Variants in FNBP1 observed in about 807,000 individuals in gnomAD.
FNBP1 encodes the protein formin-binding protein 1.
FNBP1 carries 26 observed loss-of-function variants against 90.6 expected under a neutral mutation model. The ratio of observed to expected loss-of-function variants is 0.29; its 90% confidence interval spans 0.21 to 0.40. The LOEUF is 0.40. FNBP1 is among the 10% of genes least tolerant of loss of function. The pLI is 1.00. For missense variants in FNBP1, 635 were observed against 768.0 expected, an observed-to-expected ratio of 0.83 and a Z score of 2.05; for synonymous variants, 260 against 265.2, an observed-to-expected ratio of 0.98 and a Z score of 0.19.
intron 2 of FNBP1, among the ~76,000 whole-genome samples, chr9:129,989,923 A>G (rs1387277717): frequency 1.3e-5 from 2 of 152,032 alleles, no homozygotes; most frequent in Non-Finnish European, 2.9e-5. Flanking sequence ...CTGTGGTCCC[A>G]GCTACTTGGG....
chr9:129,992,489 C>T (rs1272096268), intron 2 of FNBP1, among the ~76,000 whole-genome samples: 3 of 150,578 alleles, frequency 2.0e-5, no homozygotes, highest in East Asian at 2.0e-4. Flanking sequence ...CACAGTGGCT[C>T]ACACCTGTAA....
At chr9:130,006,288 C>CA (rs1170432786) in intron 1 of FNBP1, among the ~76,000 whole-genome samples, 3 of 152,004 alleles carry the variant, frequency 2.0e-5, no homozygotes, top group South Asian at 2.1e-4. Context: ...ACTAAAAATA[C>CA]AAAAAAATCC....
chr9:129,899,203 G>C (rs148215074), intron 15 of FNBP1, among the ~76,000 whole-genome samples: 2 of 151,222 alleles, frequency 1.3e-5, no homozygotes, highest in East Asian at 4.0e-4. Context: ...TCAGCCTCCC[G>C]AGCAGCTGGG....
Position 129,900,127 on chromosome 9 carries a change from C to T in FNBP1, c.1551-26G>A. 7.6e-6 allele frequency: 12 copies of T among 1,576,316 alleles called. No homozygotes were observed. The highest frequency in any genetic ancestry group is 1.0e-5 in the Non-Finnish European group (12 of 1,161,370). On this transcript the variant is annotated intron_variant, in intron 14 of 16. Transcript: ENST00000446176. This position sits in a 1 kb window ranked among gnomAD's most constrained non-coding sequence, Gnocchi z 4.1. ...CTGCTCAAGAAAGGAAAACACAAAG[C>T]AACTAAAGCGACTGACCCCAGGGAG...
rs1392189300 is a variant in FNBP1, at chr9:129,927,425, C to A, written c.643-84G>T. 3.7e-6 allele frequency: 5 copies of A among 1,361,088 alleles called. No individual in the cohort carries two copies. In the African/African-American group the frequency reaches 5.8e-5, roughly 16 times the overall value. 84.3% of individuals were successfully genotyped at this position (1,361,088 alleles called of 1,614,324 possible). A position where few individuals can be genotyped will look rare whatever the true frequency, so the allele number is the denominator to read the frequency against. On this transcript the variant is annotated intron_variant, in intron 7 of 16. Transcript: ENST00000446176. ...TTTTCGGCAGCATTGTTACCTCTAA[C>A]AAGTTCTCTTTGAGGAAAAAATGGG...
intron 12 of FNBP1, among the ~76,000 whole-genome samples, chr9:129,905,284 G>GTA (rs1390228198): frequency 2.4e-5 from 2 of 84,454 alleles, no homozygotes; most frequent in South Asian, 5.7e-4. Flanking sequence ...TTGTGTGTGT[G>GTA]TGTGTGTGTG....
At chr9:129,893,097 G>A (rs1414563978) in intron 16 of FNBP1, among the ~76,000 whole-genome samples, 1 of 152,028 alleles carries the variant, frequency 6.6e-6, no homozygotes, top group African/African-American at 2.4e-5. Context: ...TTCACAGACT[G>A]GAAATGAGTT....
chr9:129,968,960 C>T (rs1357992118), intron 4 of FNBP1, among the ~76,000 whole-genome samples: 1 of 152,172 alleles, frequency 6.6e-6, no homozygotes, highest in African/African-American at 2.4e-5. Flanking sequence ...AGCTATAAAT[C>T]TTCACAAATT....
At chr9:130,037,663 T>C (rs550150014) in intron 1 of FNBP1, among the ~76,000 whole-genome samples, 1 of 152,254 alleles carries the variant, frequency 6.6e-6, no homozygotes, top group Admixed American at 6.5e-5. Flanking sequence ...TTAGACTGTG[T>C]GTATTTGGGG....
At chr9:130,029,701 C>T (rs1454938845) in intron 1 of FNBP1, among the ~76,000 whole-genome samples, 1 of 152,046 alleles carries the variant, frequency 6.6e-6, no homozygotes, top group African/African-American at 2.4e-5. Context: ...TTCTTATAAA[C>T]GGCCAAGTGC....
chr9:130,014,700 A>G (rs2057040074), intron 1 of FNBP1, among the ~76,000 whole-genome samples: 2 of 152,166 alleles, frequency 1.3e-5, no homozygotes, highest in African/African-American at 2.4e-5. Flanking sequence ...GGTTGATAGG[A>G]AAATCTTCAG....
At chr9:129,928,327 T>C (rs1041664388) in intron 7 of FNBP1, among the ~76,000 whole-genome samples, 7 of 152,200 alleles carry the variant, frequency 4.6e-5, no homozygotes, top group Non-Finnish European at 7.3e-5. Flanking sequence ...ACCACAATCA[T>C]CCCTTTAGCA....
chr9:129,913,132 C>T lies in FNBP1; in HGVS notation c.1185+2834G>A, dbSNP rs146323770. ...CTGAATCAGGAGAAACGCTTCAACC[C>T]GGGAGGCGGAGGATGCAGTGAGCCA... On this transcript the variant is annotated intron_variant, in intron 11 of 16. Transcript: ENST00000446176. Among the ~76,000 whole-genome samples, 321 of 152,134 alleles carry T rather than the reference C, an allele frequency of 2.1e-3. 4 individuals carry two copies. The East Asian group carries it at 0.025, about 12-fold the overall frequency.
At chr9:129,916,119 G>A (rs900125706) in intron 10 of FNBP1, 139 bp from the exon 11 acceptor site, 2 of 638,440 alleles carry the variant, frequency 3.1e-6, no homozygotes, top group South Asian at 1.9e-5. Context: ...TCTACCCGCT[G>A]ATTTATAAAA....
At chr9:129,935,475 T>TTTTTC (rs140816797) in intron 6 of FNBP1, among the ~76,000 whole-genome samples, 7 of 149,716 alleles carry the variant, frequency 4.7e-5, no homozygotes, top group African/African-American at 1.2e-4. Flanking sequence ...TGCATCATCA[T>TTTTTC]TTTTCTTTTC....
At chr9:129,989,316 T>C (rs988272415) in intron 2 of FNBP1, among the ~76,000 whole-genome samples, 2 of 152,222 alleles carry the variant, frequency 1.3e-5, no homozygotes, top group African/African-American at 2.4e-5. Context: ...GTCTCGTTCA[T>C]TCAAGCATCC....
chr9:130,014,720 T>C (rs1056051593), intron 1 of FNBP1, among the ~76,000 whole-genome samples: 3 of 152,196 alleles, frequency 2.0e-5, no homozygotes. Flanking sequence ...GGATAAGAGA[T>C]ACTTAAGGTC....
intron 12 of FNBP1, among the ~76,000 whole-genome samples, chr9:129,905,004 TAAAC>T (rs931983740): frequency 7.2e-5 from 11 of 152,136 alleles, no homozygotes; most frequent in African/African-American, 2.7e-4. Context: ...AATGTTTAAA[TAAAC>T]ATTTATTTAT....
chr9:129,969,006 GC>G (rs1479028998), intron 4 of FNBP1, among the ~76,000 whole-genome samples: 1 of 152,178 alleles, frequency 6.6e-6, no homozygotes, highest in Non-Finnish European at 1.5e-5. Context: ...CTGTGGAAAA[GC>G]CCAGACGTAC....
Sources: gnomAD v4.1 joint callset for allele counts (sites outside exome capture counted in the v4.1 genomes callset) on GRCh38, gnomAD v4.1.1 for gene constraint, Gnocchi (gnomAD v3.1) non-coding constraint, MANE v1.5 for transcripts, NCBI Gene and HGNC (gene_info 2026-07-23, HGNC 2026-07-21) for gene names.